The following HDAC9 variants were observed in gnomAD, a reference collection of about 807,000 sequenced individuals.
The protein encoded by HDAC9 is histone deacetylase 9, also known as MEF-2 interacting transcription repressor (MITR) protein.
In HDAC9, 41 loss-of-function variants were observed where a neutral mutation model predicts 139.4. The observed-to-expected ratio is 0.29, with a 90% CI of 0.23 to 0.38. The LOEUF (loss-of-function observed/expected upper bound fraction) is 0.38. Among genes scored for constraint, HDAC9 ranks in the 10% least tolerant of loss-of-function variants. HDAC9 has a pLI of 1.00. For synonymous variants in HDAC9, 517 were observed against 476.2 expected (o/e 1.09, Z -1.12); for missense variants, 1,147 against 1,297.0 (o/e 0.88, Z 1.78).
At position 18,648,618 on chromosome 7, in the gene HDAC9, C is replaced by A; in HGVS notation, c.1402C>A (p.Gln468Lys). Residue 468 changes from glutamine to lysine, a missense_variant, in exon 11 of 26, where the codon CAA becomes AAA. Gln to Lys is a moderately conservative substitution (Grantham distance 53). Around this residue, in one of 7 missense-constraint regions of HDAC9, gnomAD observed 256 missense variants for 219.2 expected, o/e 1.17. Coordinates refer to ENST00000686413, the MANE Select transcript of HDAC9 (RefSeq NM_178425.4). ...PQSTLAQLVI[Q>K]QQHQQFLEKQ... The stretch of plus-strand genomic sequence containing the variant: ...GAGCACGTTGGCTCAGCTGGTCATT[C>A]AACAGCAACACCAGCAATTCTTGGA... 1 of 1,613,476 alleles carries A rather than the reference C, an allele frequency of 6.2e-7. No homozygotes were observed. The highest frequency in any genetic ancestry group is 8.5e-7 in the Non-Finnish European group (1 of 1,179,692).
chr7:18,228,084 T>G (rs1716663469), intron 2 of HDAC9, among the ~76,000 whole-genome samples: 1 of 152,202 alleles, frequency 6.6e-6, no homozygotes, highest in Non-Finnish European at 1.5e-5. Context: ...TAGCTTGCAA[T>G]TTTTAATCAT....
intron 2 of HDAC9, among the ~76,000 whole-genome samples, chr7:18,183,130 T>G (rs182693220): frequency 6.6e-6 from 1 of 151,854 alleles, no homozygotes; most frequent in Non-Finnish European, 1.5e-5. Context: ...CTGCCTCAGC[T>G]TCCCGAGTAG....
intron 2 of HDAC9, among the ~76,000 whole-genome samples, chr7:18,272,028 CAGCCATTGAA>C (rs1402727165): frequency 6.6e-6 from 1 of 152,092 alleles, no homozygotes; most frequent in African/African-American, 2.4e-5. Flanking sequence ...TGAACAATAA[CAGCCATTGAA>C]AGCGCATTCA....
chr7:18,943,842 G>GTT (rs1235504222), intron 23 of HDAC9, among the ~76,000 whole-genome samples: 1 of 151,936 alleles, frequency 6.6e-6, no homozygotes, highest in East Asian at 1.9e-4. Flanking sequence ...TTATTGCTGT[G>GTT]TTGATATCAC....
intron 23 of HDAC9, among the ~76,000 whole-genome samples, chr7:18,936,196 C>T (rs1455412709): frequency 6.6e-6 from 1 of 152,072 alleles, no homozygotes; most frequent in African/African-American, 2.4e-5. Context: ...ATTTTGTCTA[C>T]TGACCCAACC....
At chr7:18,995,998 T>G in intron 25 of HDAC9, 25 bp from the exon 26 acceptor site, 1 of 1,579,094 alleles carries the variant, frequency 6.3e-7, no homozygotes, top group East Asian at 2.3e-5. Context: ...TATGCCGTAT[T>G]CTGATTGCCT....
intron 22 of HDAC9, among the ~76,000 whole-genome samples, chr7:18,914,930 G>A (rs960313834): frequency 6.6e-6 from 1 of 152,018 alleles, no homozygotes; most frequent in Non-Finnish European, 1.5e-5. Flanking sequence ...AGAGATTATA[G>A]GAAAAAAGCA....
chr7:18,284,311 T>A (rs1296103931), intron 2 of HDAC9, among the ~76,000 whole-genome samples: 1 of 152,192 alleles, frequency 6.6e-6, no homozygotes, highest in Non-Finnish European at 1.5e-5. Flanking sequence ...CATCAAACAT[T>A]AGGCAAATGA....
At chr7:18,345,138 A>G (rs772428500) in intron 1 of HDAC9, among the ~76,000 whole-genome samples, 2 of 152,064 alleles carry the variant, frequency 1.3e-5, no homozygotes, top group Admixed American at 6.6e-5. Flanking sequence ...CCTGAGAGGT[A>G]TGACAGGTAA....
chr7:18,144,069 T>G (rs1786112838), intron 1 of HDAC9, among the ~76,000 whole-genome samples: 1 of 152,182 alleles, frequency 6.6e-6, no homozygotes, highest in African/African-American at 2.4e-5. Context: ...TTAATGACTT[T>G]CAGACTCTTC....
At chr7:18,646,801 A>T (rs2129026609) in intron 9 of HDAC9, among the ~76,000 whole-genome samples, 1 of 152,280 alleles carries the variant, frequency 6.6e-6, no homozygotes, top group South Asian at 2.1e-4. Flanking sequence ...ATAATTCATT[A>T]TTGCTATTGA....
chr7:18,689,814 A>T (rs1782544612), intron 12 of HDAC9, among the ~76,000 whole-genome samples: 1 of 151,962 alleles, frequency 6.6e-6, no homozygotes, highest in African/African-American at 2.4e-5. Context: ...TAAAATAAGC[A>T]TTTTTGGTGT....
chr7:18,712,117 C>T (rs978622242), intron 12 of HDAC9, among the ~76,000 whole-genome samples: 3 of 152,082 alleles, frequency 2.0e-5, no homozygotes, highest in Non-Finnish European at 4.4e-5. Flanking sequence ...TCTTTGAATT[C>T]CAATTTAAAT....
At chr7:18,673,240 C>G (rs1487956726) in intron 12 of HDAC9, among the ~76,000 whole-genome samples, 1 of 151,836 alleles carries the variant, frequency 6.6e-6, no homozygotes, top group African/African-American at 2.4e-5. Context: ...GATCATGCCA[C>G]GGTGCTGTAG....
intron 2 of HDAC9, among the ~76,000 whole-genome samples, chr7:18,201,068 G>C (rs1002260058): frequency 6.6e-6 from 1 of 152,116 alleles, no homozygotes; most frequent in African/African-American, 2.4e-5. Flanking sequence ...CAGTTCCTTA[G>C]TTCTCACAGG....
chr7:18,972,595 G>T (rs1450931534), intron 24 of HDAC9, among the ~76,000 whole-genome samples: 1 of 151,960 alleles, frequency 6.6e-6, no homozygotes, highest in Non-Finnish European at 1.5e-5. Flanking sequence ...TGGCCAGGCT[G>T]GTCTCAAATT....
chr7:18,483,629 G>A (rs1036269980), intron 1 of HDAC9, among the ~76,000 whole-genome samples: 1 of 152,094 alleles, frequency 6.6e-6, no homozygotes, highest in Admixed American at 6.6e-5. Flanking sequence ...ATTTTAAATT[G>A]CTTCTGGATA....
At chr7:18,612,972 G>T (rs1457718683) in intron 6 of HDAC9, among the ~76,000 whole-genome samples, 3 of 151,156 alleles carry the variant, frequency 2.0e-5, no homozygotes, top group African/African-American at 7.3e-5. Flanking sequence ...TTAAAATTTT[G>T]TTGGAAGAAA....
At chr7:18,878,475 TTCTC>T (rs1799488613) in intron 22 of HDAC9, among the ~76,000 whole-genome samples, 1 of 152,162 alleles carries the variant, frequency 6.6e-6, no homozygotes, top group South Asian at 2.1e-4. Context: ...CAGAAACCAT[TTCTC>T]TCAGCAAATA....
Sources: allele counts gnomAD v4.1 joint callset (sites outside exome capture counted in the v4.1 genomes callset), GRCh38; gene constraint gnomAD v4.1.1; regional missense constraint gnomAD v4.1.1; transcripts MANE v1.5; gene names NCBI Gene and HGNC (gene_info 2026-07-23, HGNC 2026-07-21).